CNTN1: variants seen among roughly 807,000 people sequenced by gnomAD.
CNTN1 encodes the protein contactin 1, also known as contactin-1.
CNTN1 carries 38 observed loss-of-function variants against 126.4 expected under a neutral mutation model. That is an observed-to-expected ratio of 0.30 (90% CI 0.23 to 0.39). The LOEUF (loss-of-function observed/expected upper bound fraction) is 0.39. Ranked by LOEUF, CNTN1 falls within the 10% of genes least tolerant of loss-of-function variation. The pLI is 1.00. For synonymous variants in CNTN1, 413 were observed against 422.6 expected (o/e 0.98, Z 0.28); for missense variants, 1,009 against 1,248.4 (o/e 0.81, Z 2.89).
At chr12:41,002,558 C>CTTTT (rs1360030646) in intron 17 of CNTN1, among the ~76,000 whole-genome samples, 15 of 134,580 alleles carry the variant, frequency 1.1e-4, no homozygotes, top group African/African-American at 3.1e-4. Flanking sequence ...GGGTTTCTTT[C>CTTTT]TTTTTTTTTT....
intron 23 of CNTN1, among the ~76,000 whole-genome samples, chr12:41,038,025 GCA>G (rs1174181028): frequency 6.6e-6 from 1 of 152,056 alleles, no homozygotes; most frequent in African/African-American, 2.4e-5. Flanking sequence ...GGGCATGGTG[GCA>G]CACACCTGTA....
At chr12:41,021,380 C>T in intron 20 of CNTN1, among the ~76,000 whole-genome samples, 1 of 151,182 alleles carries the variant, frequency 6.6e-6, no homozygotes, top group South Asian at 2.1e-4. Context: ...TTCTCAGCTT[C>T]AGCACCCTCC....
chr12:40,776,172 T>C (rs372720858), intron 1 of CNTN1, among the ~76,000 whole-genome samples: 9 of 151,590 alleles, frequency 5.9e-5, no homozygotes, highest in African/African-American at 1.7e-4. Context: ...CAAATTATAG[T>C]TTCTGTGTTA....
At position 40,933,885 on chromosome 12, in the gene CNTN1, A is replaced by C; in HGVS notation, c.985+7A>C. 1 of 1,603,926 alleles carries C rather than the reference A, an allele frequency of 6.2e-7. No individual in the cohort carries two copies. Among genetic ancestry groups the C allele is most frequent in the Non-Finnish European group, 8.5e-7 (1 of 1,171,630 alleles). On this transcript the variant is annotated splice_region_variant and intron_variant, in intron 9 of 23. Coordinates refer to ENST00000551295, the MANE Select transcript of CNTN1 (RefSeq NM_001843.4). ...GCAAGAATTTATGTTCAAGGTAGATACATTATTTTAATTTTGTATAAATTT... is the reference window on the plus strand; with the variant it reads ...GCAAGAATTTATGTTCAAGGTAGATCCATTATTTTAATTTTGTATAAATTT...
At chr12:40,969,998 CAAT>C (rs1209002404) in intron 15 of CNTN1, among the ~76,000 whole-genome samples, 1 of 152,136 alleles carries the variant, frequency 6.6e-6, no homozygotes, top group Non-Finnish European at 1.5e-5. Flanking sequence ...TAGCGACTCT[CAAT>C]AATGAGAGCT....
intron 14 of CNTN1, among the ~76,000 whole-genome samples, chr12:40,945,976 C>T (rs1343963318): frequency 6.6e-6 from 1 of 152,104 alleles, no homozygotes; most frequent in African/African-American, 2.4e-5. Flanking sequence ...ACCTACTCAA[C>T]TGACTAGATA....
intron 1 of CNTN1, among the ~76,000 whole-genome samples, chr12:40,789,082 A>T (rs896914747): frequency 6.6e-6 from 1 of 152,114 alleles, no homozygotes; most frequent in African/African-American, 2.4e-5. Context: ...GTTACATATT[A>T]ATTGCTATAT....
At chr12:40,973,948 T>C (rs1490627433) in intron 15 of CNTN1, among the ~76,000 whole-genome samples, 1 of 152,170 alleles carries the variant, frequency 6.6e-6, no homozygotes, top group Middle Eastern at 3.2e-3. Flanking sequence ...GAAAATATGG[T>C]CAGCTTACTA....
intron 1 of CNTN1, among the ~76,000 whole-genome samples, chr12:40,818,683 C>CTGATCCTCCATCCAGTTCTG (rs1217380324): frequency 6.6e-6 from 1 of 152,184 alleles, no homozygotes; most frequent in Non-Finnish European, 1.5e-5. Context: ...ATTCATCCAT[C>CTGATCCTCCATCCAGTTCTG]TGATCCTCCA....
chr12:41,014,907 C>T (rs1163649769), intron 18 of CNTN1, among the ~76,000 whole-genome samples: 1 of 152,132 alleles, frequency 6.6e-6, no homozygotes, highest in Non-Finnish European at 1.5e-5. Flanking sequence ...GAAAAGTTGT[C>T]TGACAAAACT....
At chr12:40,769,236 A>T (rs946600193) in intron 1 of CNTN1, among the ~76,000 whole-genome samples, 4 of 151,716 alleles carry the variant, frequency 2.6e-5, no homozygotes, top group African/African-American at 9.7e-5. Flanking sequence ...TTCTATGAAG[A>T]TGAATTTTAG....
intron 1 of CNTN1, among the ~76,000 whole-genome samples, chr12:40,701,466 G>T (rs2121111582): frequency 6.6e-6 from 1 of 151,968 alleles, no homozygotes; most frequent in Non-Finnish European, 1.5e-5. Flanking sequence ...GTTACTAAAA[G>T]TACAGATTTG....
At chr12:41,006,072 A>ATTGACAACCTTTGAT (rs1407419626) in intron 17 of CNTN1, among the ~76,000 whole-genome samples, 1 of 152,172 alleles carries the variant, frequency 6.6e-6, no homozygotes, top group Non-Finnish European at 1.5e-5. Context: ...AAGCTTTGAA[A>ATTGACAACCTTTGAT]TTGACAACCT....
At chr12:40,825,671 A>G (rs1941592311) in intron 1 of CNTN1, among the ~76,000 whole-genome samples, 1 of 152,120 alleles carries the variant, frequency 6.6e-6, no homozygotes. Flanking sequence ...ATGTGAGAGT[A>G]CAATTGTCTA....
intron 1 of CNTN1, among the ~76,000 whole-genome samples, chr12:40,807,789 C>A (rs1344981714): frequency 2.0e-5 from 3 of 152,110 alleles, no homozygotes; most frequent in Non-Finnish European, 4.4e-5. Flanking sequence ...TAAACCTATT[C>A]AACCATAGGA....
At chr12:40,957,459 T>C (rs1946929905) in intron 14 of CNTN1, among the ~76,000 whole-genome samples, 1 of 151,454 alleles carries the variant, frequency 6.6e-6, no homozygotes, top group South Asian at 2.1e-4. Context: ...TTTTTTTTTT[T>C]TTGATATAAC....
rs909891644 is a variant in CNTN1, at chr12:40,854,000, T to C, written c.-76-54357T>C. 2.0e-5 allele frequency among the ~76,000 whole-genome samples: 3 copies of C among 149,704 alleles called. No individual in the cohort carries two copies. The Admixed American group carries it at 2.0e-4, about 10-fold the overall frequency. On this transcript the variant is annotated intron_variant, in intron 1 of 23. Coordinates refer to ENST00000551295, the MANE Select transcript of CNTN1 (RefSeq NM_001843.4). Reference sequence around the variant, plus strand: ...ATTTTCCAAATATTTTCTCAGCTTTTTTCAACACTTCTTTTACAGCATCCT... The same window carrying C: ...ATTTTCCAAATATTTTCTCAGCTTTCTTCAACACTTCTTTTACAGCATCCT...
At chr12:40,743,177 G>A (rs1227424418) in intron 1 of CNTN1, among the ~76,000 whole-genome samples, 1 of 151,952 alleles carries the variant, frequency 6.6e-6, no homozygotes, top group Non-Finnish European at 1.5e-5. Flanking sequence ...AATGGGGTTG[G>A]GCAAGGACCA....
chr12:41,021,680 T>C (rs1308913033), intron 20 of CNTN1, among the ~76,000 whole-genome samples: 1 of 148,962 alleles, frequency 6.7e-6, no homozygotes, highest in Non-Finnish European at 1.5e-5. Context: ...TTTGGGAAGA[T>C]CTTAAAGAGC....
Sources: allele counts gnomAD v4.1 joint callset (sites outside exome capture counted in the v4.1 genomes callset), GRCh38; gene constraint gnomAD v4.1.1; transcripts MANE v1.5; gene names NCBI Gene and HGNC (gene_info 2026-07-23, HGNC 2026-07-21).